Variants in PIEZO2 observed in about 807,000 individuals in gnomAD.
PIEZO2 encodes piezo type mechanosensitive ion channel component 2.
A neutral mutation model predicts 337.3 loss-of-function variants in PIEZO2; 172 were observed. The observed-to-expected ratio is 0.51, with a 90% CI of 0.45 to 0.58. PIEZO2 has a LOEUF of 0.58. Ranked by LOEUF, PIEZO2 falls within the 20% of genes least tolerant of loss-of-function variation. PIEZO2 has a pLI of 0.00. For synonymous variants in PIEZO2, 1,251 were observed against 1,228.5 expected, an observed-to-expected ratio of 1.02 and a Z score of -0.38; for missense variants, 3,028 against 3,391.3, an observed-to-expected ratio of 0.89 and a Z score of 2.66.
At chr18:10,804,077 T>C in intron 8 of PIEZO2, 83 bp from the exon 9 acceptor site, 1 of 1,469,462 alleles carries the variant, frequency 6.8e-7, no homozygotes, top group Non-Finnish European at 9.0e-7. Context: ...GCTTTTCATT[T>C]TGGCTCAGTA....
intron 2 of PIEZO2, among the ~76,000 whole-genome samples, chr18:10,986,001 C>T (rs1440632617): frequency 6.6e-6 from 1 of 151,926 alleles, no homozygotes; most frequent in Non-Finnish European, 1.5e-5. Context: ...TATGGACACA[C>T]ATAGGCTGAA....
chr18:10,708,669 T>A (rs1450323559), intron 39 of PIEZO2, among the ~76,000 whole-genome samples: 5 of 152,048 alleles, frequency 3.3e-5, no homozygotes, highest in Non-Finnish European at 5.9e-5. Context: ...TAGTGACACA[T>A]TACAAAATGG....
chr18:10,722,964 T>C, intron 36 of PIEZO2, among the ~76,000 whole-genome samples: 1 of 145,392 alleles, frequency 6.9e-6, no homozygotes, highest in Non-Finnish European at 1.5e-5. Context: ...GTGATTTTTT[T>C]TTTTTTTTTT....
rs989416279 is a variant in PIEZO2 at position 11,009,769 on chromosome 18, G to T, written c.161-30109C>A. ...AAAGAGGTAATTCAGGTAGCACGAGGTCATAGAGGTGGGCCTAATCCAGTA... is the reference window on the plus strand; with the variant it reads ...AAAGAGGTAATTCAGGTAGCACGAGTTCATAGAGGTGGGCCTAATCCAGTA... On this transcript the variant is annotated intron_variant, in intron 2 of 55. Transcript: ENST00000674853. This position sits in a 1 kb window ranked among gnomAD's most constrained non-coding sequence, Gnocchi z 4.6. Among the ~76,000 whole-genome samples the T allele has an allele frequency of 6.6e-6, 1 of 152,070 alleles. No homozygotes were observed.
intron 1 of PIEZO2, among the ~76,000 whole-genome samples, chr18:11,079,595 G>A (rs1245978340): frequency 1.3e-5 from 2 of 152,100 alleles, no homozygotes; most frequent in Non-Finnish European, 2.9e-5. Flanking sequence ...GATTACTCCA[G>A]TCTCTACTCC....
chr18:10,711,472 G>A (rs1273870969), intron 39 of PIEZO2, among the ~76,000 whole-genome samples: 2 of 151,976 alleles, frequency 1.3e-5, no homozygotes, highest in Non-Finnish European at 1.5e-5. Context: ...TTTTCCCTGT[G>A]GGAGACTATA....
rs2039898772 is a variant in PIEZO2 at position 11,116,669 on chromosome 18, T to C, written c.64+31856A>G. ...AGGCGTAGCTTGCAGTGAGCCGAGA[T>C]CCGCCACCGCACTCCAGCCTGGGCG... On this transcript the variant is annotated intron_variant, in intron 1 of 55. Coordinates refer to ENST00000674853, the MANE Select transcript of PIEZO2 (RefSeq NM_001378183.1). The surrounding 1 kb of genome is among the most constrained non-coding windows in gnomAD (Gnocchi z 5.0). 6.7e-6 allele frequency among the ~76,000 whole-genome samples: 1 copy of C among 149,672 alleles called. No individual in the cohort carries two copies. Among genetic ancestry groups the C allele is most frequent in the Non-Finnish European group, 1.5e-5 (1 of 67,516 alleles).
At position 10,759,511 on chromosome 18, in the gene PIEZO2, A is replaced by C; in HGVS notation, c.3728T>G (p.Ile1243Ser). 5 of 1,537,162 alleles carry C rather than the reference A, an allele frequency of 3.3e-6. No individual in the cohort carries two copies. The highest frequency in any genetic ancestry group is 4.4e-6 in the Non-Finnish European group (5 of 1,146,902). ...IIKWLYFPDFIVRPNPVFLVY... is the reference protein window; with the variant it reads ...IIKWLYFPDFSVRPNPVFLVY... ...GAGAAACACAGGGTTGGGCCGCACA[A>C]TGAAATCTGGGAAGTACAGCCACTT... The change falls in exon 26 of 56, where the codon ATT becomes AGT. Residue 1243 changes from isoleucine to serine, a missense_variant. This residue lies in a region of PIEZO2 where 1,925 missense variants were observed against 2,051.9 expected (regional missense o/e 0.94). Transcript: ENST00000674853. This position sits in a 1 kb window ranked among gnomAD's most constrained non-coding sequence, Gnocchi z 5.5.
intron 3 of PIEZO2, among the ~76,000 whole-genome samples, chr18:10,948,142 T>C (rs1348885171): frequency 1.3e-5 from 2 of 152,116 alleles, no homozygotes; most frequent in African/African-American, 4.8e-5. Context: ...TTCTAAGACA[T>C]AGGTAATTTT....
chr18:10,785,201 T>C (rs1450172090), intron 16 of PIEZO2, among the ~76,000 whole-genome samples: 1 of 152,186 alleles, frequency 6.6e-6, no homozygotes, highest in East Asian at 1.9e-4. Flanking sequence ...TTTATTTAAT[T>C]AAACCTCTGG....
rs577582581 is a variant in PIEZO2, at chr18:10,893,297, T to C, written c.329+17889A>G. On this transcript the variant is annotated intron_variant, in intron 4 of 55. Coordinates refer to ENST00000674853, the MANE Select transcript of PIEZO2 (RefSeq NM_001378183.1). ...TTTGTATGCCTACACATTTGAACAG[T>C]GTGCATTTCTATCTTATTTGCAAGA... Among the ~76,000 whole-genome samples, 3 of 152,292 alleles carry C rather than the reference T, an allele frequency of 2.0e-5. No homozygotes were observed. The East Asian group carries it at 5.8e-4, about 29-fold the overall frequency.
rs1250835523 is a variant in PIEZO2, at chr18:10,813,602, A to G, written c.918-6328T>C. On this transcript the variant is annotated intron_variant, in intron 7 of 55. Transcript: ENST00000674853. This position sits in a 1 kb window ranked among gnomAD's most constrained non-coding sequence, Gnocchi z 4.2. ...ATTTCCTTCCACTTTAAGGCTGAATACATAAATATATACATATGTATGTCC... is the reference window on the plus strand; with the variant it reads ...ATTTCCTTCCACTTTAAGGCTGAATGCATAAATATATACATATGTATGTCC... Among the ~76,000 whole-genome samples the G allele has an allele frequency of 1.3e-5, 2 of 152,172 alleles. No individual in the cohort carries two copies. The highest frequency in any genetic ancestry group is 2.9e-5 in the Non-Finnish European group (2 of 68,042).
chr18:10,779,794 C>G (rs150824592), intron 18 of PIEZO2, among the ~76,000 whole-genome samples: 1 of 152,126 alleles, frequency 6.6e-6, no homozygotes, highest in African/African-American at 2.4e-5. Flanking sequence ...AGAGGGAGTC[C>G]AGATCTGAGA....
chr18:10,887,311 C>T (rs1007175576), intron 4 of PIEZO2, among the ~76,000 whole-genome samples: 13 of 151,308 alleles, frequency 8.6e-5, no homozygotes, highest in Middle Eastern at 3.4e-3. Context: ...CCTCGTGATC[C>T]GCCCACCTCA....
At chr18:10,960,081 G>A (rs980721473) in intron 3 of PIEZO2, among the ~76,000 whole-genome samples, 4 of 152,026 alleles carry the variant, frequency 2.6e-5, no homozygotes, top group Non-Finnish European at 5.9e-5. Context: ...ATCAGCTTTG[G>A]GATATTGACA....
intron 7 of PIEZO2, among the ~76,000 whole-genome samples, chr18:10,840,514 T>A (rs999564697): frequency 4.6e-5 from 7 of 152,336 alleles, no homozygotes; most frequent in African/African-American, 1.7e-4. Context: ...ATGTTAAGTA[T>A]GATTTCTTCT....
rs2038366812 is a variant in PIEZO2 at position 10,766,569 on chromosome 18, A to T, written c.2947-3471T>A. On this transcript the variant is annotated intron_variant, in intron 21 of 55. Transcript: ENST00000674853. The surrounding 1 kb of genome is among the most constrained non-coding windows in gnomAD (Gnocchi z 6.1). ...TGTGGGGCCTGAGGGCCCTGCCTCAAGGGAAGGGGCCTCTGAGAACCAAAG... is the reference window on the plus strand; with the variant it reads ...TGTGGGGCCTGAGGGCCCTGCCTCATGGGAAGGGGCCTCTGAGAACCAAAG... Among the ~76,000 whole-genome samples the T allele has an allele frequency of 6.6e-6, 1 of 152,168 alleles. No homozygotes were observed. Among genetic ancestry groups the T allele is most frequent in the South Asian group, 2.1e-4 (1 of 4,826 alleles).
intron 2 of PIEZO2, among the ~76,000 whole-genome samples, chr18:11,064,029 C>CA (rs879717366): frequency 0.014 from 1,846 of 135,232 alleles, 18 homozygotes; most frequent in African/African-American, 0.035. Context: ...ATCTGATGAG[C>CA]AAAAAAAAAA....
rs1218370895 is a variant in PIEZO2 at position 11,116,714 on chromosome 18, CA to C, written c.64+31810del. ...TGGGCGACAGAACGAGACTCCGTCT[CA>C]AAAAAAACAAAGAAAAAAAAAAATC... On this transcript the variant is annotated intron_variant, in intron 1 of 55. Coordinates refer to ENST00000674853, the MANE Select transcript of PIEZO2 (RefSeq NM_001378183.1). This position sits in a 1 kb window ranked among gnomAD's most constrained non-coding sequence, Gnocchi z 5.0. 6.8e-6 allele frequency among the ~76,000 whole-genome samples: 1 copy of C among 147,440 alleles called. No homozygotes were observed. The highest frequency in any genetic ancestry group is 2.5e-5 in the African/African-American group (1 of 39,370).
Sources: allele counts gnomAD v4.1 joint callset (sites outside exome capture counted in the v4.1 genomes callset), GRCh38; gene constraint gnomAD v4.1.1; regional missense constraint gnomAD v4.1.1; non-coding constraint Gnocchi (gnomAD v3.1); transcripts MANE v1.5; gene names NCBI Gene and HGNC (gene_info 2026-07-23, HGNC 2026-07-21).